The following AHCYL2 variants were observed in gnomAD, a reference collection of about 807,000 sequenced individuals.
AHCYL2 encodes the protein adenosylhomocysteinase like 2, also known as S-adenosylhomocysteine hydrolase-like protein 2.
In AHCYL2, 28 loss-of-function variants were observed where a neutral mutation model predicts 81.4. The ratio of observed to expected loss-of-function variants is 0.34; its 90% CI spans 0.25 to 0.47. The LOEUF (loss-of-function observed/expected upper bound fraction) is 0.47, where lower values mean the gene tolerates loss of function less well. Ranked by LOEUF, AHCYL2 falls within the 20% of genes least tolerant of loss-of-function variation. The pLI, the probability that AHCYL2 is intolerant of heterozygous loss-of-function variation, is 1.00. For missense variants in AHCYL2, 551 were observed against 785.1 expected (o/e 0.70, Z 3.56); for synonymous variants, 272 against 290.2 (o/e 0.94, Z 0.64).
intron 1 of AHCYL2, among the ~76,000 whole-genome samples, chr7:129,267,672 A>C (rs1795864851): frequency 6.6e-6 from 1 of 152,166 alleles, no homozygotes; most frequent in Non-Finnish European, 1.5e-5. Context: ...GCTAGTATTG[A>C]AAGTGAAGAG....
At chr7:129,397,388 C>A in intron 5 of AHCYL2, 64 bp downstream of exon 5, 2 of 1,415,774 alleles carry the variant, frequency 1.4e-6, no homozygotes, top group Non-Finnish European at 1.9e-6. Context: ...CTTTATGTTT[C>A]AGCATAAATC....
intron 1 of AHCYL2, among the ~76,000 whole-genome samples, chr7:129,305,331 G>T (rs1366488827): frequency 6.6e-6 from 1 of 152,026 alleles, no homozygotes; most frequent in Non-Finnish European, 1.5e-5. Flanking sequence ...ATGGTGGCAC[G>T]TGCCTGTAGT....
At chr7:129,312,120 C>T (rs1797679432) in intron 1 of AHCYL2, among the ~76,000 whole-genome samples, 1 of 152,060 alleles carries the variant, frequency 6.6e-6, no homozygotes. Flanking sequence ...TCCTGAGTAG[C>T]TGGGACCAGG....
intron 1 of AHCYL2, among the ~76,000 whole-genome samples, chr7:129,249,614 A>C (rs949720969): frequency 6.6e-6 from 1 of 151,704 alleles, no homozygotes; most frequent in Non-Finnish European, 1.5e-5. Context: ...TTTAGTAGAG[A>C]CGGGGTTTCA....
intron 1 of AHCYL2, among the ~76,000 whole-genome samples, chr7:129,338,642 CA>C (rs1487399932): frequency 6.6e-6 from 1 of 152,172 alleles, no homozygotes; most frequent in African/African-American, 2.4e-5. Context: ...TTTCAATTTA[CA>C]TTTCTCTTTA....
At position 129,310,858 on chromosome 7, in the gene AHCYL2, C is replaced by T. The variant is rs574642416; in HGVS notation, c.364-68780C>T. Among the ~76,000 whole-genome samples the T allele has an allele frequency of 2.0e-5, 3 of 152,186 alleles. No homozygotes were observed. In the South Asian group the frequency reaches 6.2e-4, roughly 32 times the overall value. On this transcript the variant is annotated intron_variant, in intron 1 of 16. Transcript: ENST00000325006. ...GGCGTGGTGGGTCATGCTTGTAATT[C>T]TAGCACTTTGGGAGGCTGATGTGGG...
chr7:129,356,447 C>G (rs2150836740), intron 1 of AHCYL2, among the ~76,000 whole-genome samples: 1 of 152,274 alleles, frequency 6.6e-6, no homozygotes, highest in South Asian at 2.1e-4. Flanking sequence ...TTGATGTCAT[C>G]TCATAATTCA....
Position 129,337,339 on chromosome 7 carries a change from C to T in AHCYL2, c.364-42299C>T, listed in dbSNP as rs569457925. On this transcript the variant is annotated intron_variant, in intron 1 of 16. Coordinates refer to ENST00000325006, the MANE Select transcript of AHCYL2 (RefSeq NM_015328.4). ...TTTATATCAAAACATATATAGCTGC[C>T]TTGCTGTCTTAACTATAGAGGATTC... Among the ~76,000 whole-genome samples the T allele has an allele frequency of 6.1e-4, 93 of 152,196 alleles. 1 individual carries two copies. Among genetic ancestry groups the T allele is most frequent in the African/African-American group, 2.0e-3 (82 of 41,540 alleles).
rs564152454 is a variant in AHCYL2 at position 129,389,057 on chromosome 7, G to A, written c.477G>A (p.Ala159=). The change falls in exon 3 of 17, where the codon GCG becomes GCA. Residue 159 remains alanine, a splice_region_variant and synonymous_variant. Transcript: ENST00000325006. The part of the protein sequence containing the change: ...SQSSTDSYSS[A]ASYTDSSDDE... ...GTGTTTTTTATTCTGTCATTCCAGC[G>A]GCTTCATATACAGATAGCTCTGATG... 26 of 1,601,320 alleles carry A rather than the reference G, an allele frequency of 1.6e-5. No homozygotes were observed. Among genetic ancestry groups the A allele is most frequent in the Admixed American group, 7.2e-5 (4 of 55,600 alleles).
intron 1 of AHCYL2, among the ~76,000 whole-genome samples, chr7:129,282,986 G>T (rs1796502855): frequency 6.6e-6 from 1 of 152,098 alleles, no homozygotes; most frequent in African/African-American, 2.4e-5. Context: ...CAGTTTGGCT[G>T]GTGGGAACAG....
At chr7:129,358,667 T>G (rs1456187960) in intron 1 of AHCYL2, among the ~76,000 whole-genome samples, 1 of 152,136 alleles carries the variant, frequency 6.6e-6, no homozygotes. Context: ...TGGAGATGGA[T>G]GGTGGTGATG....
chr7:129,427,340 C>T lies in AHCYL2; in HGVS notation c.*295C>T, dbSNP rs1468775249. 1 of 296,756 alleles carries T rather than the reference C, an allele frequency of 3.4e-6. No individual in the cohort carries two copies. Among genetic ancestry groups the T allele is most frequent in the Non-Finnish European group, 6.2e-6 (1 of 160,796 alleles). 18.4% of individuals were successfully genotyped at this position (296,756 alleles called of 1,614,324 possible). Reference sequence around the variant, plus strand: ...TGCATCATTCCCCATTGACTGAATCCTCAGCAGTGGCCGTTTTTCCTCTTG... The same window carrying T: ...TGCATCATTCCCCATTGACTGAATCTTCAGCAGTGGCCGTTTTTCCTCTTG... On this transcript the variant is annotated 3_prime_UTR_variant, in exon 17 of 17. Coordinates refer to ENST00000325006, the MANE Select transcript of AHCYL2 (RefSeq NM_015328.4). This position sits in a 1 kb window ranked among gnomAD's most constrained non-coding sequence, Gnocchi z 5.5.
At chr7:129,288,046 A>G (rs922039936) in intron 1 of AHCYL2, among the ~76,000 whole-genome samples, 1 of 152,234 alleles carries the variant, frequency 6.6e-6, no homozygotes, top group African/African-American at 2.4e-5. Context: ...AATTAGCAAT[A>G]ATTTTTAATA....
intron 1 of AHCYL2, among the ~76,000 whole-genome samples, chr7:129,365,647 G>A (rs1407746819): frequency 2.4e-5 from 2 of 84,530 alleles, no homozygotes; most frequent in Admixed American, 2.5e-4. Flanking sequence ...TATATATATG[G>A]GTATGAAGTG....
chr7:129,303,123 C>G (rs1797308363), intron 1 of AHCYL2, among the ~76,000 whole-genome samples: 1 of 152,160 alleles, frequency 6.6e-6, no homozygotes, highest in Admixed American at 6.5e-5. Flanking sequence ...GCTTCAGCCT[C>G]CCAAGTAGCT....
chr7:129,385,989 T>C (rs57533714), intron 2 of AHCYL2, among the ~76,000 whole-genome samples: 1,954 of 152,320 alleles, frequency 0.013, 41 homozygotes, highest in African/African-American at 0.045. Context: ...ATGAGTAAAT[T>C]TATTTATTCA....
intron 7 of AHCYL2, among the ~76,000 whole-genome samples, chr7:129,404,741 G>T (rs1343179188): frequency 6.6e-6 from 1 of 152,158 alleles, no homozygotes; most frequent in Non-Finnish European, 1.5e-5. Flanking sequence ...TGTAGTTCTG[G>T]CAGGCAGGGA....
At position 129,299,369 on chromosome 7, in the gene AHCYL2, G is replaced by GTTTTTTTTTTTTTTTTTTTT. The variant is rs71162592; in HGVS notation, c.363+73953_363+73972dup. Among the ~76,000 whole-genome samples the GTTTTTTTTTTTTTTTTTTTT allele has an allele frequency of 6.5e-5, 3 of 46,306 alleles. 1 individual carries two copies. The highest frequency in any genetic ancestry group is 3.5e-4 in the Admixed American group (1 of 2,820). 30.4% of individuals were successfully genotyped at this position (46,306 alleles called of 152,430 possible). On this transcript the variant is annotated intron_variant, in intron 1 of 16. Coordinates refer to ENST00000325006, the MANE Select transcript of AHCYL2 (RefSeq NM_015328.4). Reference sequence around the variant, plus strand: ...AGGCTGAGGTGGGAGAGTCCAACTTGTTTTTTTTTTTTTTTTTTTTTTTTT... The same window carrying GTTTTTTTTTTTTTTTTTTTT: ...AGGCTGAGGTGGGAGAGTCCAACTTGTTTTTTTTTTTTTTTTTTTTTTTTTTTTTTTTTTTTTTTTTTTTT...
At chr7:129,355,000 C>T (rs1346595676) in intron 1 of AHCYL2, among the ~76,000 whole-genome samples, 1 of 152,126 alleles carries the variant, frequency 6.6e-6, no homozygotes, top group African/African-American at 2.4e-5. Flanking sequence ...AATGAATACC[C>T]CCGATCCTTT....
Sources: allele counts gnomAD v4.1 joint callset (sites outside exome capture counted in the v4.1 genomes callset), GRCh38; gene constraint gnomAD v4.1.1; non-coding constraint Gnocchi (gnomAD v3.1); transcripts MANE v1.5; gene names NCBI Gene and HGNC (gene_info 2026-07-23, HGNC 2026-07-21).